The following ASTN2 variants were observed in gnomAD, a reference collection of about 807,000 sequenced individuals.
ASTN2 encodes astrotactin-2.
In ASTN2, 54 loss-of-function variants were observed where a neutral mutation model predicts 139.8. The observed-to-expected ratio is 0.39, with a 90% CI of 0.31 to 0.48. The LOEUF is 0.48. Ranked by LOEUF, ASTN2 falls within the 20% of genes least tolerant of loss-of-function variation. ASTN2 has a pLI of 0.95. For missense variants in ASTN2, 1,565 were observed against 1,725.1 expected, an observed-to-expected ratio of 0.91 and a Z score of 1.64; for synonymous variants, 756 against 719.5, an observed-to-expected ratio of 1.05 and a Z score of -0.81.
intron 13 of ASTN2, among the ~76,000 whole-genome samples, chr9:116,797,439 G>A (rs2132232171): frequency 6.6e-6 from 1 of 152,136 alleles, no homozygotes; most frequent in African/African-American, 2.4e-5. Context: ...GAGTCAGAAT[G>A]CCAGGAAAAT....
chr9:116,691,413 T>C (rs1234072029), intron 16 of ASTN2, among the ~76,000 whole-genome samples: 1 of 151,858 alleles, frequency 6.6e-6, no homozygotes, highest in East Asian at 1.9e-4. Flanking sequence ...TGCAAGGGAG[T>C]CTTTCTAGGT....
chr9:116,518,801 G>C (rs1356975925), intron 19 of ASTN2, among the ~76,000 whole-genome samples: 1 of 151,954 alleles, frequency 6.6e-6, no homozygotes, highest in Admixed American at 6.6e-5. Context: ...GTAATTTAAA[G>C]GGGTGGAAAA....
chr9:117,398,934 G>C (rs1037946935), intron 1 of ASTN2, among the ~76,000 whole-genome samples: 1 of 152,050 alleles, frequency 6.6e-6, no homozygotes, highest in Non-Finnish European at 1.5e-5. Flanking sequence ...GACATGCGCT[G>C]CCACATCCAG....
At chr9:117,159,810 GT>G (rs1830507882) in intron 3 of ASTN2, among the ~76,000 whole-genome samples, 1 of 152,084 alleles carries the variant, frequency 6.6e-6, no homozygotes, top group South Asian at 2.1e-4. Context: ...CTCTTAGCTA[GT>G]TATGGCAATT....
chr9:117,065,990 C>G (rs1827925896), intron 5 of ASTN2, among the ~76,000 whole-genome samples: 1 of 150,274 alleles, frequency 6.7e-6, no homozygotes, highest in African/African-American at 2.4e-5. Flanking sequence ...TTACTCCTCT[C>G]AGAAGTACCA....
At chr9:117,048,864 T>C (rs1838823977) in intron 5 of ASTN2, among the ~76,000 whole-genome samples, 1 of 152,106 alleles carries the variant, frequency 6.6e-6, no homozygotes, top group Non-Finnish European at 1.5e-5. Flanking sequence ...AGCTGAGTGA[T>C]CTTTTCATGT....
intron 3 of ASTN2, among the ~76,000 whole-genome samples, chr9:117,204,549 C>T (rs552985172): frequency 5.8e-4 from 88 of 152,262 alleles, no homozygotes; most frequent in African/African-American, 1.9e-3. Flanking sequence ...TATTTTTGTA[C>T]AGTGTGGGAA....
At chr9:116,861,163 T>G (rs1832867673) in intron 11 of ASTN2, among the ~76,000 whole-genome samples, 1 of 151,514 alleles carries the variant, frequency 6.6e-6, no homozygotes, top group South Asian at 2.2e-4. Context: ...TCTCTCTCTT[T>G]TAATTTTTCC....
intron 13 of ASTN2, among the ~76,000 whole-genome samples, chr9:116,795,854 T>C (rs1352255731): frequency 6.6e-6 from 1 of 152,224 alleles, no homozygotes; most frequent in Non-Finnish European, 1.5e-5. Flanking sequence ...TCTTCAGGGT[T>C]ATTTTAAGGT....
At chr9:117,376,798 T>C (rs1001329437) in intron 1 of ASTN2, among the ~76,000 whole-genome samples, 3 of 152,214 alleles carry the variant, frequency 2.0e-5, no homozygotes, top group Non-Finnish European at 2.9e-5. Flanking sequence ...ACATTGCATC[T>C]AGCACATCAT....
At chr9:116,504,610 A>G (rs1850026671) in intron 19 of ASTN2, among the ~76,000 whole-genome samples, 1 of 152,178 alleles carries the variant, frequency 6.6e-6, no homozygotes, top group South Asian at 2.1e-4. Context: ...AATAACAGTG[A>G]CAATTGATAT....
intron 10 of ASTN2, among the ~76,000 whole-genome samples, chr9:116,866,437 G>A (rs1381802581): frequency 6.6e-6 from 1 of 152,198 alleles, no homozygotes; most frequent in African/African-American, 2.4e-5. Context: ...TGTAGGGAGT[G>A]AGGTGACAGG....
At chr9:117,246,678 T>C (rs1833391971) in intron 2 of ASTN2, among the ~76,000 whole-genome samples, 1 of 152,206 alleles carries the variant, frequency 6.6e-6, no homozygotes, top group Non-Finnish European at 1.5e-5. Flanking sequence ...GTATGGGGTG[T>C]CTGATGCATT....
In ASTN2 at chr9:116,863,622, C is replaced by T. The variant is rs1186493066; in HGVS notation, c.2001G>A (p.Lys667=). The T allele has an allele frequency of 1.9e-6, 3 of 1,614,216 alleles. No homozygotes were observed. The highest frequency in any genetic ancestry group is 2.5e-6 in the Non-Finnish European group (3 of 1,180,030). Residue 667 remains lysine (K), a synonymous_variant, in exon 11 of 23, where the codon AAG becomes AAA. Coordinates refer to ENST00000313400, the MANE Select transcript of ASTN2 (RefSeq NM_001365068.1). ...RNNGGCTRNF[K]CVSDRQVDSS... is the part of the protein sequence containing the mutation. Reference sequence around the variant, plus strand: ...AATCCACCTGCCGGTCAGACACACACTTGAAGTTGCGAGTGCAGCCCCCAT... The same window carrying T: ...AATCCACCTGCCGGTCAGACACACATTTGAAGTTGCGAGTGCAGCCCCCAT...
intron 5 of ASTN2, among the ~76,000 whole-genome samples, chr9:117,060,723 C>T (rs998557832): frequency 6.6e-6 from 1 of 151,536 alleles, no homozygotes; most frequent in Non-Finnish European, 1.5e-5. Context: ...GAAACCCCGT[C>T]TCCACTAAAA....
At chr9:116,491,703 G>A (rs1391664867) in intron 19 of ASTN2, among the ~76,000 whole-genome samples, 5 of 152,220 alleles carry the variant, frequency 3.3e-5, no homozygotes, top group African/African-American at 7.2e-5. Flanking sequence ...TCCTCACCCA[G>A]TGGAGGGGGT....
intron 3 of ASTN2, among the ~76,000 whole-genome samples, chr9:117,210,951 T>TG (rs1832102517): frequency 7.3e-6 from 1 of 136,462 alleles, no homozygotes; most frequent in African/African-American, 2.7e-5. Context: ...AATAGAATGA[T>TG]GGAAAAAAAA....
At chr9:116,912,235 A>G (rs938875037) in intron 10 of ASTN2, among the ~76,000 whole-genome samples, 5 of 152,244 alleles carry the variant, frequency 3.3e-5, no homozygotes, top group African/African-American at 1.2e-4. Flanking sequence ...TAGTTCCCCT[A>G]TTACTTAACT....
intron 3 of ASTN2, among the ~76,000 whole-genome samples, chr9:117,191,575 G>C (rs1405147809): frequency 6.6e-6 from 1 of 152,200 alleles, no homozygotes; most frequent in Non-Finnish European, 1.5e-5. Context: ...CTCTACAGTG[G>C]ATAAAGATAT....
Sources: allele counts gnomAD v4.1 joint callset (sites outside exome capture counted in the v4.1 genomes callset), GRCh38; gene constraint gnomAD v4.1.1; transcripts MANE v1.5; gene names NCBI Gene and HGNC (gene_info 2026-07-23, HGNC 2026-07-21).